TOX: variants seen among roughly 807,000 people sequenced by gnomAD.
The protein encoded by TOX is thymocyte selection associated high mobility group box, also known as thymocyte selection-associated high mobility group box protein TOX.
TOX carries 11 observed loss-of-function variants against 53.7 expected under a neutral mutation model. The observed-to-expected ratio is 0.20, with a 90% CI of 0.13 to 0.34. The LOEUF (loss-of-function observed/expected upper bound fraction) is 0.34. Ranked by LOEUF, TOX falls within the 10% of genes least tolerant of loss-of-function variation. The probability of loss-of-function intolerance (pLI) is 1.00; values close to 1 mark genes in which losing one functional copy is unlikely to be tolerated. For synonymous variants in TOX, 225 were observed against 245.3 expected (o/e 0.92, Z 0.77); for missense variants, 570 against 664.6 (o/e 0.86, Z 1.56).
intron 1 of TOX, among the ~76,000 whole-genome samples, chr8:59,097,198 TAAC>T (rs2129424170): frequency 6.6e-6 from 1 of 152,256 alleles, no homozygotes; most frequent in South Asian, 2.1e-4. Flanking sequence ...ATGATAACCT[TAAC>T]AAGTTTGTGT....
chr8:58,989,550 G>T (rs1813402625), intron 1 of TOX, among the ~76,000 whole-genome samples: 5 of 152,084 alleles, frequency 3.3e-5, no homozygotes, highest in Admixed American at 2.0e-4. Context: ...TTAACTAAGA[G>T]CTACATGTCT....
At chr8:58,819,600 C>A (rs939240792) in intron 6 of TOX, among the ~76,000 whole-genome samples, 1 of 152,166 alleles carries the variant, frequency 6.6e-6, no homozygotes, top group Non-Finnish European at 1.5e-5. Flanking sequence ...ACTCTATAAG[C>A]CTGAAGATAC....
intron 1 of TOX, among the ~76,000 whole-genome samples, chr8:58,972,792 A>G (rs1372805179): frequency 6.6e-6 from 1 of 152,216 alleles, no homozygotes; most frequent in Admixed American, 6.5e-5. Context: ...TGCACACTTC[A>G]TATTTGCTAT....
At chr8:58,861,944 A>G (rs967658343) in intron 3 of TOX, among the ~76,000 whole-genome samples, 1 of 152,200 alleles carries the variant, frequency 6.6e-6, no homozygotes, top group Non-Finnish European at 1.5e-5. Flanking sequence ...TTAAAAATAC[A>G]TCTTAAGAAG....
intron 6 of TOX, among the ~76,000 whole-genome samples, chr8:58,822,713 A>G (rs1585844322): frequency 1.3e-5 from 2 of 152,284 alleles, no homozygotes; most frequent in East Asian, 1.9e-4. Flanking sequence ...GCTGTTTCCT[A>G]TGTAAGAGCT....
intron 5 of TOX, among the ~76,000 whole-genome samples, chr8:58,830,366 C>T (rs1372010599): frequency 2.6e-5 from 4 of 152,044 alleles, no homozygotes; most frequent in South Asian, 2.1e-4. Context: ...CTAAAACATA[C>T]GTAGATAGTC....
At chr8:59,057,903 G>C (rs747559525) in intron 1 of TOX, among the ~76,000 whole-genome samples, 1 of 152,108 alleles carries the variant, frequency 6.6e-6, no homozygotes, top group African/African-American at 2.4e-5. Flanking sequence ...CTGGAGTGCA[G>C]TGGCACAGTC....
chr8:59,037,801 C>CAAAA (rs769397049), intron 1 of TOX, among the ~76,000 whole-genome samples: 3,531 of 97,832 alleles, frequency 0.036, 196 homozygotes, highest in African/African-American at 0.12. Flanking sequence ...GACTCCATCT[C>CAAAA]AAAAAAAAAA....
chr8:58,812,133 A>G (rs562461847), intron 7 of TOX, among the ~76,000 whole-genome samples: 1 of 152,298 alleles, frequency 6.6e-6, no homozygotes, highest in East Asian at 1.9e-4. Flanking sequence ...TCCACAACTC[A>G]GGTCTGCATC....
intron 1 of TOX, among the ~76,000 whole-genome samples, chr8:59,115,424 A>G (rs576701228): frequency 6.6e-6 from 1 of 152,356 alleles, no homozygotes; most frequent in South Asian, 2.1e-4. Flanking sequence ...ATTACTCTGT[A>G]GGTATATATT....
At chr8:58,981,908 A>G (rs1813212781) in intron 1 of TOX, among the ~76,000 whole-genome samples, 1 of 151,926 alleles carries the variant, frequency 6.6e-6, no homozygotes, top group South Asian at 2.1e-4. Flanking sequence ...CTCATCTTTC[A>G]TCACCCCCTT....
intron 1 of TOX, among the ~76,000 whole-genome samples, chr8:58,966,601 A>C (rs773275009): frequency 3.9e-5 from 6 of 152,154 alleles, no homozygotes; most frequent in Non-Finnish European, 5.9e-5. Flanking sequence ...TTTGGGGCTG[A>C]GTTTGTATTT....
chr8:59,044,562 G>C (rs1363552196), intron 1 of TOX, among the ~76,000 whole-genome samples: 1 of 152,138 alleles, frequency 6.6e-6, no homozygotes, highest in African/African-American at 2.4e-5. Flanking sequence ...TTCTGTAAAA[G>C]AAATTTTTAT....
At chr8:59,062,189 A>C (rs760092460) in intron 1 of TOX, among the ~76,000 whole-genome samples, 5 of 152,066 alleles carry the variant, frequency 3.3e-5, no homozygotes, top group Non-Finnish European at 7.4e-5. Flanking sequence ...CCTCTAAGGG[A>C]AGTTGAGGGT....
At chr8:58,839,111 C>A (rs1019775003) in intron 4 of TOX, among the ~76,000 whole-genome samples, 8 of 152,128 alleles carry the variant, frequency 5.3e-5, no homozygotes, top group African/African-American at 1.9e-4. Context: ...GCCAGGAAAA[C>A]CCAGCAATGC....
At chr8:58,826,191 G>A (rs1016165034) in intron 6 of TOX, among the ~76,000 whole-genome samples, 16 of 152,180 alleles carry the variant, frequency 1.1e-4, no homozygotes, top group African/African-American at 3.4e-4. Context: ...CAGCCAATTT[G>A]CGACATGAGA....
At chr8:59,023,811 C>T (rs1814184437) in intron 1 of TOX, among the ~76,000 whole-genome samples, 1 of 152,084 alleles carries the variant, frequency 6.6e-6, no homozygotes, top group Admixed American at 6.6e-5. Context: ...AAATGTCATA[C>T]CCTAAAATGA....
rs1353893872 is a variant in TOX, at chr8:58,924,838, A to T, written c.411+14464T>A. On this transcript the variant is annotated intron_variant, in intron 3 of 8. Coordinates refer to ENST00000361421, the MANE Select transcript of TOX (RefSeq NM_014729.3). The stretch of plus-strand genomic sequence containing the variant: ...TTCCTCTTTCTCTGGCCTCTTCAGG[A>T]ATATGTGTATTATAGTCATTTCTTT... Among the ~76,000 whole-genome samples, 4 of 152,322 alleles carry T rather than the reference A, an allele frequency of 2.6e-5. No homozygotes were observed. The East Asian group carries it at 7.7e-4, about 29-fold the overall frequency.
At chr8:59,051,308 T>G (rs985897578) in intron 1 of TOX, among the ~76,000 whole-genome samples, 7 of 152,098 alleles carry the variant, frequency 4.6e-5, no homozygotes, top group African/African-American at 1.7e-4. Flanking sequence ...TTTAAGAAAA[T>G]ATCAAGGACA....
Sources: gnomAD v4.1 joint callset for allele counts (sites outside exome capture counted in the v4.1 genomes callset) on GRCh38, gnomAD v4.1.1 for gene constraint, MANE v1.5 for transcripts, NCBI Gene and HGNC (gene_info 2026-07-23, HGNC 2026-07-21) for gene names.